The following KDM5A variants were observed in gnomAD, a reference collection of about 807,000 sequenced individuals.
The protein encoded by KDM5A is lysine demethylase 5A, also known as lysine-specific demethylase 5A.
Under a neutral mutation model 193.5 loss-of-function variants are expected in KDM5A, and 42 were observed. That is an observed-to-expected ratio of 0.22 (90% CI 0.17 to 0.28). KDM5A has a LOEUF of 0.28. KDM5A is among the 10% of genes least tolerant of loss of function. KDM5A has a pLI of 1.00. For missense variants in KDM5A, 1,692 were observed against 2,055.1 expected (o/e 0.82, Z 3.42); for synonymous variants, 796 against 718.1 (o/e 1.11, Z -1.73).
Position 280,329 on chromosome 12 carries a change from T to A in KDM5A, c.*5127A>T. 4.3e-6 allele frequency: 1 copy of A among 233,140 alleles called. No homozygotes were observed. The highest frequency in any genetic ancestry group is 8.5e-6 in the Non-Finnish European group (1 of 117,988). The allele number at this position is 233,140 out of a possible 1,614,324, so 14.4% of individuals were successfully genotyped here. A position where few individuals can be genotyped will look rare whatever the true frequency, so the allele number is the denominator to read the frequency against. On this transcript the variant is annotated 3_prime_UTR_variant, in exon 28 of 28. Coordinates refer to ENST00000399788, the MANE Select transcript of KDM5A (RefSeq NM_001042603.3). ...CAATAGCAAGACCCCCAAGAAATAC[T>A]TGATCTAAACTGGGAGGGTCCAACA...
chr12:337,243 G>A (rs556700847), intron 10 of KDM5A, among the ~76,000 whole-genome samples: 1 of 152,348 alleles, frequency 6.6e-6, no homozygotes, highest in Non-Finnish European at 1.5e-5. Flanking sequence ...TGTTCAGCCT[G>A]TGGAACCTGT....
At chr12:371,479 G>C (rs2137478860) in intron 3 of KDM5A, among the ~76,000 whole-genome samples, 1 of 151,778 alleles carries the variant, frequency 6.6e-6, no homozygotes, top group East Asian at 1.9e-4. Flanking sequence ...TCGTAAATTT[G>C]AGTTCTTTGT....
chr12:305,433 A>G (rs1182474023), intron 24 of KDM5A, among the ~76,000 whole-genome samples: 1 of 152,112 alleles, frequency 6.6e-6, no homozygotes, highest in Non-Finnish European at 1.5e-5. Flanking sequence ...TTTTAATTTT[A>G]TATCCTAGGA....
intron 3 of KDM5A, among the ~76,000 whole-genome samples, chr12:383,269 C>G (rs781764749): frequency 3.2e-4 from 49 of 151,658 alleles, no homozygotes; most frequent in Non-Finnish European, 5.6e-4. Context: ...GGCTGAGGTG[C>G]AGTGGCGCAA....
chr12:329,287 T>C (rs1943833183), intron 13 of KDM5A: 2 of 494,080 alleles, frequency 4.0e-6, no homozygotes, highest in African/African-American at 3.9e-5. Context: ...TTTCTATTTA[T>C]TGTATATCAA....
chr12:381,422 A>AT (rs1175607721), intron 3 of KDM5A, among the ~76,000 whole-genome samples: 2 of 152,030 alleles, frequency 1.3e-5, no homozygotes, highest in African/African-American at 4.8e-5. Flanking sequence ...AATTTTTGAA[A>AT]TTTTTTTTGT....
chr12:298,459 G>C (rs1443877281), intron 24 of KDM5A, among the ~76,000 whole-genome samples: 1 of 132,446 alleles, frequency 7.6e-6, no homozygotes, highest in Non-Finnish European at 1.5e-5. Flanking sequence ...AGAGGGGCCT[G>C]ACTGTTTGAA....
chr12:341,299 CA>C (rs1944001648), intron 10 of KDM5A, among the ~76,000 whole-genome samples: 1 of 152,250 alleles, frequency 6.6e-6, no homozygotes, highest in African/African-American at 2.4e-5. Context: ...AATTCAGTGA[CA>C]TTAAACATGT....
intron 27 of KDM5A, among the ~76,000 whole-genome samples, chr12:292,104 A>G (rs1943302613): frequency 6.6e-6 from 1 of 152,084 alleles, no homozygotes; most frequent in African/African-American, 2.4e-5. Context: ...GGGTTTTACC[A>G]TGTTGGCTAG....
intron 17 of KDM5A, among the ~76,000 whole-genome samples, chr12:321,650 C>A (rs1943718814): frequency 6.6e-6 from 1 of 152,188 alleles, no homozygotes; most frequent in South Asian, 2.1e-4. Context: ...CCAATGTGAA[C>A]TGCTAGAGAA....
rs1352075165 is a variant in KDM5A, at chr12:284,423, T to A, written c.*1033A>T. ...GAAGCCATGGTGTTATTCAACAGCA[T>A]CTGCTGTGGGCCGTAGTTAGAAATC... On this transcript the variant is annotated 3_prime_UTR_variant, in exon 28 of 28. Coordinates refer to ENST00000399788, the MANE Select transcript of KDM5A (RefSeq NM_001042603.3). The A allele has an allele frequency of 2.2e-5, 5 of 231,852 alleles. No homozygotes were observed. The allele number at this position is 231,852 out of a possible 1,614,324, so 14.4% of individuals were successfully genotyped here. A position where few individuals can be genotyped will look rare whatever the true frequency, so the allele number is the denominator to read the frequency against.
rs60052574 is a variant in KDM5A, at chr12:284,335, T to A, written c.*1121A>T. The A allele has an allele frequency of 0.079, 17,826 of 227,064 alleles. 1,206 individuals carry two copies. The highest frequency in any genetic ancestry group is 0.29 in the East Asian group (4,562 of 15,664). The allele number at this position is 227,064 out of a possible 1,614,324, so 14.1% of individuals were successfully genotyped here. On this transcript the variant is annotated 3_prime_UTR_variant, in exon 28 of 28. Transcript: ENST00000399788. ...GTAAAAACAAGTCCTTTTTTTTTTT[T>A]AAAAATGGATTTACTAAAACAACTT...
chr12:370,420 T>C (rs1016635187), intron 3 of KDM5A, among the ~76,000 whole-genome samples: 4 of 152,036 alleles, frequency 2.6e-5, no homozygotes, highest in Non-Finnish European at 5.9e-5. Context: ...AAAAATAAAA[T>C]ACAAACCATT....
chr12:290,423 C>A (rs1943278270), intron 27 of KDM5A, among the ~76,000 whole-genome samples: 1 of 152,120 alleles, frequency 6.6e-6, no homozygotes, highest in South Asian at 2.1e-4. Context: ...CGTTGCTCAC[C>A]TTTACGTATC....
chr12:318,168 T>C lies in KDM5A; in HGVS notation c.2835A>G (p.Leu945=). The change falls in exon 19 of 28, where the codon CTA becomes CTG. Residue 945 remains leucine, a synonymous_variant. Coordinates refer to ENST00000399788, the MANE Select transcript of KDM5A (RefSeq NM_001042603.3). ...HHAVEKAMAE[L]QELLTVSERW... is the part of the protein sequence containing the mutation. Reference sequence around the variant, plus strand: ...GTTCAGAGACTGTAAGGAGCTCCTGTAGTTCAGCCATTGCTTTCTCCACAG... The same window carrying C: ...GTTCAGAGACTGTAAGGAGCTCCTGCAGTTCAGCCATTGCTTTCTCCACAG... The C allele has an allele frequency of 6.2e-7, 1 of 1,614,242 alleles. No individual in the cohort carries two copies. Among genetic ancestry groups the C allele is most frequent in the Non-Finnish European group, 8.5e-7 (1 of 1,180,036 alleles).
chr12:358,876 G>A (rs1479143655), intron 5 of KDM5A, among the ~76,000 whole-genome samples: 1 of 152,058 alleles, frequency 6.6e-6, no homozygotes, highest in Non-Finnish European at 1.5e-5. Flanking sequence ...CAAGGCTGAG[G>A]CAGGGAACTG....
chr12:295,870 G>C, intron 25 of KDM5A, 77 bp from the exon 26 acceptor site: 1 of 1,251,988 alleles, frequency 8.0e-7, no homozygotes, highest in Non-Finnish European at 1.2e-6. Context: ...AGCAAATATT[G>C]AGACTAGCCC....
At chr12:296,354 T>C (rs1943373514) in intron 25 of KDM5A, among the ~76,000 whole-genome samples, 1 of 151,066 alleles carries the variant, frequency 6.6e-6, no homozygotes, top group Non-Finnish European at 1.5e-5. Context: ...TTCTTTATCC[T>C]GAACATTAAT....
intron 3 of KDM5A, among the ~76,000 whole-genome samples, chr12:377,201 T>C (rs920393928): frequency 6.6e-6 from 1 of 152,074 alleles, no homozygotes; most frequent in African/African-American, 2.4e-5. Flanking sequence ...TCAGCAGAGT[T>C]TGAAGAGAAG....
Sources: allele counts gnomAD v4.1 joint callset (sites outside exome capture counted in the v4.1 genomes callset), GRCh38; gene constraint gnomAD v4.1.1; transcripts MANE v1.5; gene names NCBI Gene and HGNC (gene_info 2026-07-23, HGNC 2026-07-21).